The following KIAA0930 variants were observed in gnomAD, a reference collection of about 807,000 sequenced individuals.
KIAA0930 encodes KIAA0930.
KIAA0930 carries 24 observed loss-of-function variants against 43.9 expected under a neutral mutation model. The observed-to-expected ratio is 0.55, with a 90% CI of 0.40 to 0.77. The LOEUF is 0.77. Among genes scored for constraint, KIAA0930 ranks in the 30% least tolerant of loss-of-function variants. The pLI is 0.00. For synonymous variants in KIAA0930, 259 were observed against 216.4 expected, an observed-to-expected ratio of 1.20 and a Z score of -1.73; for missense variants, 461 against 574.2, an observed-to-expected ratio of 0.80 and a Z score of 2.02.
In KIAA0930 at chr22:45,212,052, G is replaced by C; in HGVS notation, c.120C>G (p.Phe40Leu). 6.2e-7 allele frequency: 1 copy of C among 1,613,838 alleles called. No individual in the cohort carries two copies. The highest frequency in any genetic ancestry group is 8.5e-7 in the Non-Finnish European group (1 of 1,179,924). Residue 40 changes from phenylalanine (F) to leucine (L), a missense_variant, in exon 2 of 10, where the codon TTC becomes TTG. Physicochemically the swap from Phe to Leu is conservative, Grantham distance 22. Coordinates refer to ENST00000336156, the MANE Select transcript of KIAA0930 (RefSeq NM_001009880.2). ...VFWTWMFSTY[F>L]MEKWAPRQDD... ...CCTGCCGGGGAGCCCATTTCTCCAT[G>C]AAGTAGGTGGAGAACATCCAAGTCC... is the stretch of plus-strand genomic sequence containing the variant.
At position 45,196,706 on chromosome 22, in the gene KIAA0930, G is replaced by A; in HGVS notation, c.*470C>T. On this transcript the variant is annotated 3_prime_UTR_variant, in exon 10 of 10. Transcript: ENST00000336156. The surrounding 1 kb of genome is among the most constrained non-coding windows in gnomAD (Gnocchi z 4.1). Reference sequence around the variant, plus strand: ...AGCTGGGACTGACTCGGGTGCTGAAGTTCATCCGCACGGCATTCCAGAATC... The same window carrying A: ...AGCTGGGACTGACTCGGGTGCTGAAATTCATCCGCACGGCATTCCAGAATC... 6.4e-6 allele frequency: 1 copy of A among 157,176 alleles called. No homozygotes were observed. Among genetic ancestry groups the A allele is most frequent in the East Asian group, 1.9e-4 (1 of 5,378 alleles). 9.7% of individuals were successfully genotyped at this position (157,176 alleles called of 1,614,324 possible). A position where few individuals can be genotyped will look rare whatever the true frequency, so the allele number is the denominator to read the frequency against.
intron 1 of KIAA0930, among the ~76,000 whole-genome samples, chr22:45,228,259 T>A (rs2083815184): frequency 6.6e-6 from 1 of 152,214 alleles, no homozygotes; most frequent in Non-Finnish European, 1.5e-5. Flanking sequence ...CAGCTGGTCC[T>A]GCCTACCCAC....
At chr22:45,234,994 T>C (rs2294198) in intron 1 of KIAA0930, among the ~76,000 whole-genome samples, 58,008 of 139,264 alleles carry the variant, frequency 0.42, 12,325 homozygotes, top group South Asian at 0.53. Context: ...GTAATGTGCA[T>C]GTGACTTTTT....
At chr22:45,225,900 T>C (rs1226078215) in intron 1 of KIAA0930, among the ~76,000 whole-genome samples, 11 of 152,244 alleles carry the variant, frequency 7.2e-5, no homozygotes, top group Non-Finnish European at 1.0e-4. Flanking sequence ...CCCGAGCGCC[T>C]GGTCTGCAGT....
intron 1 of KIAA0930, among the ~76,000 whole-genome samples, chr22:45,214,524 C>A (rs946316411): frequency 6.6e-6 from 1 of 152,188 alleles, no homozygotes; most frequent in Admixed American, 6.5e-5. Flanking sequence ...AAGGCGGAAT[C>A]GTAGTGACTT....
intron 1 of KIAA0930, among the ~76,000 whole-genome samples, chr22:45,237,982 G>A (rs531812989): frequency 4.0e-5 from 6 of 151,332 alleles, no homozygotes; most frequent in South Asian, 4.2e-4. Flanking sequence ...GTGCAGTGGC[G>A]TGATCTCGGC....
At chr22:45,233,049 A>G (rs1219989380) in intron 1 of KIAA0930, among the ~76,000 whole-genome samples, 1 of 151,990 alleles carries the variant, frequency 6.6e-6, no homozygotes, top group Non-Finnish European at 1.5e-5. Flanking sequence ...CCAGATCAGG[A>G]AGGTGGAGGA....
intron 1 of KIAA0930, among the ~76,000 whole-genome samples, chr22:45,227,117 T>C (rs114267235): frequency 0.02 from 2,992 of 152,282 alleles, 95 homozygotes; most frequent in African/African-American, 0.068. Context: ...CCACCCACCC[T>C]TGTGCCCAGC....
chr22:45,215,969 A>G (rs2083729479), intron 1 of KIAA0930, among the ~76,000 whole-genome samples: 1 of 151,984 alleles, frequency 6.6e-6, no homozygotes, highest in Non-Finnish European at 1.5e-5. Context: ...CGGAGCCTGC[A>G]GTGAGCCGAG....
In KIAA0930 at chr22:45,193,686, T is replaced by C. The variant is rs2083510418; in HGVS notation, c.*3490A>G. The stretch of plus-strand genomic sequence containing the variant: ...AAGCTGACTTGGCTATAGAGTATCT[T>C]GCGTCCTTTTGTTCTCTTCTGACTA... On this transcript the variant is annotated 3_prime_UTR_variant, in exon 10 of 10. Coordinates refer to ENST00000336156, the MANE Select transcript of KIAA0930 (RefSeq NM_001009880.2). 6.6e-6 allele frequency: 1 copy of C among 152,212 alleles called. No homozygotes were observed. Among genetic ancestry groups the C allele is most frequent in the South Asian group, 2.1e-4 (1 of 4,836 alleles). The allele number at this position is 152,212 out of a possible 1,614,324, so 9.4% of individuals were successfully genotyped here.
At chr22:45,203,205 G>A (rs2083605436) in intron 6 of KIAA0930, 21 bp from the exon 7 acceptor site, 2 of 1,570,206 alleles carry the variant, frequency 1.3e-6, no homozygotes, top group Non-Finnish European at 1.7e-6. Context: ...GCGCGGGGCA[G>A]CCTGAGTCAG....
rs2083553134 is a variant in KIAA0930, at chr22:45,198,002, C to T, written c.1016-54G>A. ...CCCACAGCATGGGACGCGGCGGGAGCAGCAGGAGGCCAGCTCCCAGTCCAG... is the reference window on the plus strand; with the variant it reads ...CCCACAGCATGGGACGCGGCGGGAGTAGCAGGAGGCCAGCTCCCAGTCCAG... On this transcript the variant is annotated intron_variant, in intron 8 of 9. Coordinates refer to ENST00000336156, the MANE Select transcript of KIAA0930 (RefSeq NM_001009880.2). 6 of 1,582,794 alleles carry T rather than the reference C, an allele frequency of 3.8e-6. No individual in the cohort carries two copies. In the East Asian group the frequency reaches 1.1e-4, roughly 30 times the overall value.
Position 45,205,273 on chromosome 22 carries a change from C to T in KIAA0930, c.460G>A (p.Glu154Lys). The T allele has an allele frequency of 6.2e-7, 1 of 1,614,182 alleles. No individual in the cohort carries two copies. The highest frequency in any genetic ancestry group is 8.5e-7 in the Non-Finnish European group (1 of 1,180,004). ...TTGGGGTAGCTGATCTTGGACTCCT[C>T]CCCCTTGCTGTCCATGGGGTGTTTA... ...PSKHPMDSKGEESKISYPNIF... is the reference protein window; with the variant it reads ...PSKHPMDSKGKESKISYPNIF... Residue 154 changes from glutamate (E) to lysine (K), a missense_variant, in exon 5 of 10, where the codon GAG becomes AAG. Physicochemically the swap from Glu to Lys is moderately conservative, Grantham distance 56. Transcript: ENST00000336156.
chr22:45,231,232 A>G (rs1354833276), intron 1 of KIAA0930, among the ~76,000 whole-genome samples: 1 of 151,812 alleles, frequency 6.6e-6, no homozygotes, highest in African/African-American at 2.4e-5. Flanking sequence ...AGAAAAAAAA[A>G]AAAAAAAAGA....
intron 1 of KIAA0930, among the ~76,000 whole-genome samples, chr22:45,229,036 T>C (rs1266575523): frequency 6.3e-5 from 4 of 63,154 alleles, no homozygotes; most frequent in Non-Finnish European, 8.2e-5. Context: ...AAGATCCCTC[T>C]CCACCCCCCC....
intron 7 of KIAA0930, among the ~76,000 whole-genome samples, chr22:45,202,088 A>G (rs971504528): frequency 6.6e-6 from 1 of 152,280 alleles, no homozygotes; most frequent in African/African-American, 2.4e-5. Flanking sequence ...TTATGAGAGC[A>G]GCAGAGCAGG....
intron 2 of KIAA0930, among the ~76,000 whole-genome samples, chr22:45,206,701 A>ATT (rs55641702): frequency 3.3e-4 from 49 of 146,270 alleles, no homozygotes; most frequent in African/African-American, 1.1e-3. Flanking sequence ...CTGGCTTCCA[A>ATT]TTTTTTTTTT....
At chr22:45,214,174 C>G (rs2083717078) in intron 1 of KIAA0930, among the ~76,000 whole-genome samples, 1 of 152,114 alleles carries the variant, frequency 6.6e-6, no homozygotes, top group Admixed American at 6.5e-5. Context: ...GAGACTCTGT[C>G]TCAACAAACA....
At chr22:45,223,206 G>A (rs954354682) in intron 1 of KIAA0930, among the ~76,000 whole-genome samples, 2 of 152,174 alleles carry the variant, frequency 1.3e-5, no homozygotes, top group African/African-American at 2.4e-5. Context: ...AGAACACTAC[G>A]CAGCAATTAA....
Sources: gnomAD v4.1 joint callset for allele counts (sites outside exome capture counted in the v4.1 genomes callset) on GRCh38, gnomAD v4.1.1 for gene constraint, Gnocchi (gnomAD v3.1) non-coding constraint, MANE v1.5 for transcripts, NCBI Gene and HGNC (gene_info 2026-07-23, HGNC 2026-07-21) for gene names.